The following EIF3A variants were observed in gnomAD, a reference collection of about 807,000 sequenced individuals.
The protein encoded by EIF3A is EIF3, p180 subunit.
A neutral mutation model predicts 186.6 loss-of-function variants in EIF3A; 21 were observed. That is an observed-to-expected ratio of 0.11 (90% CI 0.08 to 0.16). The LOEUF (loss-of-function observed/expected upper bound fraction) is 0.16, where lower values mean the gene tolerates loss of function less well. EIF3A is among the 10% of genes least tolerant of loss of function. EIF3A has a pLI of 1.00. For missense variants in EIF3A, 1,306 were observed against 1,796.3 expected, an observed-to-expected ratio of 0.73 and a Z score of 4.93; for synonymous variants, 563 against 584.3, an observed-to-expected ratio of 0.96 and a Z score of 0.52.
chr10:119,078,836 A>G (rs1264560169), intron 1 of EIF3A, among the ~76,000 whole-genome samples: 3 of 152,190 alleles, frequency 2.0e-5, no homozygotes, highest in Admixed American at 6.5e-5. Flanking sequence ...TATCTTTTCT[A>G]TATGAAGTTC....
At chr10:119,067,761 T>C (rs1227150638) in intron 6 of EIF3A, among the ~76,000 whole-genome samples, 2 of 152,190 alleles carry the variant, frequency 1.3e-5, no homozygotes, top group East Asian at 1.9e-4. Flanking sequence ...AACAAAATAA[T>C]TGGTGGACCA....
intron 1 of EIF3A, among the ~76,000 whole-genome samples, chr10:119,078,364 G>A (rs961556364): frequency 6.6e-6 from 1 of 150,718 alleles, no homozygotes; most frequent in Admixed American, 6.6e-5. Context: ...ATATGCTTAG[G>A]GTGACCTGAA....
chr10:119,066,559 A>G (rs1181891214), intron 6 of EIF3A, among the ~76,000 whole-genome samples: 1 of 148,864 alleles, frequency 6.7e-6, no homozygotes, highest in African/African-American at 2.5e-5. Context: ...GTAAGTGGCA[A>G]TAAGGCAGAA....
chr10:119,038,916 C>G (rs936188239), intron 19 of EIF3A, among the ~76,000 whole-genome samples: 3 of 151,938 alleles, frequency 2.0e-5, no homozygotes, highest in African/African-American at 7.3e-5. Context: ...CAGAATGAGA[C>G]TGTCTCAAAA....
In EIF3A at chr10:119,036,383, GAAATTCTGTT is replaced by G. The variant is rs1036092252; in HGVS notation, c.3920-125_3920-116del. 15 of 668,178 alleles carry G rather than the reference GAAATTCTGTT, an allele frequency of 2.2e-5. No homozygotes were observed. In the Admixed American group the frequency reaches 2.3e-4, roughly 10 times the overall value. The allele number at this position is 668,178 out of a possible 1,614,324, so 41.4% of individuals were successfully genotyped here. On this transcript the variant is annotated intron_variant, in intron 21 of 21. Transcript: ENST00000369144. ...AATACAGAAATCATTGTTAAATACA[GAAATTCTGTT>G]AAATTCTGTATTGTTAAATACAGAA...
At chr10:119,067,636 C>G (rs1692013828) in intron 6 of EIF3A, among the ~76,000 whole-genome samples, 1 of 152,080 alleles carries the variant, frequency 6.6e-6, no homozygotes, top group South Asian at 2.1e-4. Context: ...ACATAGAGAA[C>G]AAAGAAGAGA....
chr10:119,041,041 G>A (rs1848201864), intron 19 of EIF3A, among the ~76,000 whole-genome samples: 1 of 148,266 alleles, frequency 6.7e-6, no homozygotes, highest in Non-Finnish European at 1.5e-5. Context: ...AGCCATGCAT[G>A]GTGGCATGTG....
At chr10:119,037,432 C>G (rs1848148320) in intron 20 of EIF3A, 123 bp from the exon 21 acceptor site, 1 of 776,408 alleles carries the variant, frequency 1.3e-6, no homozygotes, top group African/African-American at 1.7e-5. Flanking sequence ...AAACTCATAA[C>G]CTGACCTTAC....
intron 1 of EIF3A, among the ~76,000 whole-genome samples, chr10:119,076,773 T>A (rs949895480): frequency 1.3e-5 from 2 of 151,774 alleles, no homozygotes; most frequent in Non-Finnish European, 2.9e-5. Context: ...TTGTCTCCAC[T>A]AAAAACACAA....
At chr10:119,073,334 T>G in intron 3 of EIF3A, 107 bp downstream of exon 3, 1 of 895,204 alleles carries the variant, frequency 1.1e-6, no homozygotes, top group Non-Finnish European at 1.7e-6. Flanking sequence ...TTCAAAGATT[T>G]GCATTTTTTT....
chr10:119,049,759 G>T, intron 17 of EIF3A, 42 bp downstream of exon 17: 2 of 1,520,876 alleles, frequency 1.3e-6, no homozygotes, highest in African/African-American at 1.4e-5. Flanking sequence ...AAAAAAAAAA[G>T]TCACATTAAA....
chr10:119,066,812 T>C (rs1843988418), intron 6 of EIF3A, among the ~76,000 whole-genome samples: 1 of 152,130 alleles, frequency 6.6e-6, no homozygotes, highest in Non-Finnish European at 1.5e-5. Flanking sequence ...ACTGCAAAGA[T>C]TAAACCAAAT....
intron 17 of EIF3A, among the ~76,000 whole-genome samples, chr10:119,048,161 C>T (rs2062616): frequency 0.064 from 9,699 of 151,940 alleles, 582 homozygotes; most frequent in African/African-American, 0.16. Context: ...GAGTACCAAC[C>T]AATGAAAGGT....
At chr10:119,069,121 G>A (rs1844031744) in intron 6 of EIF3A, among the ~76,000 whole-genome samples, 1 of 152,160 alleles carries the variant, frequency 6.6e-6, no homozygotes, top group African/African-American at 2.4e-5. Flanking sequence ...TGGGCTTTTA[G>A]CGGAGTTACT....
At chr10:119,072,054 A>T (rs955189687) in intron 4 of EIF3A, among the ~76,000 whole-genome samples, 14 of 131,002 alleles carry the variant, frequency 1.1e-4, no homozygotes, top group East Asian at 4.4e-4. Context: ...AAAGAAAGAA[A>T]AAAAGAAAGA....
At chr10:119,038,131 G>A (rs1005657362) in intron 20 of EIF3A, 107 bp downstream of exon 20, 1 of 944,082 alleles carries the variant, frequency 1.1e-6, no homozygotes, top group Admixed American at 2.0e-5. Flanking sequence ...TGGCCAGGCT[G>A]CTCTCGAACT....
chr10:119,066,440 C>T (rs1589693795), intron 6 of EIF3A, among the ~76,000 whole-genome samples: 1 of 122,166 alleles, frequency 8.2e-6, no homozygotes, highest in South Asian at 2.8e-4. Context: ...ACCCAGGAGG[C>T]GGAGGGTGCA....
intron 1 of EIF3A, among the ~76,000 whole-genome samples, chr10:119,077,286 GA>G (rs1231535252): frequency 1.3e-5 from 2 of 151,832 alleles, no homozygotes; most frequent in Non-Finnish European, 2.9e-5. Context: ...GAAATATGGT[GA>G]AAAAAATTAA....
Position 119,051,267 on chromosome 10 carries a change from A to C in EIF3A, c.2251T>G (p.Ser751Ala). Reference protein sequence around the residue: ...EKALEHKNRMSRMLEDRDLFV... With the variant: ...EKALEHKNRMARMLEDRDLFV... The stretch of plus-strand genomic sequence containing the variant: ...AAATCTCTGTCTTCAAGCATTCGTG[A>C]CATTCGATTCTTATGTTCAAGAGCC... The change falls in exon 15 of 22, where the codon TCA (serine) becomes GCA (alanine). Residue 751 changes from serine (S) to alanine (A), a missense_variant. Coordinates refer to ENST00000369144, the MANE Select transcript of EIF3A (RefSeq NM_003750.4). The C allele has an allele frequency of 1.2e-6, 2 of 1,611,900 alleles. No homozygotes were observed. The highest frequency in any genetic ancestry group is 1.7e-6 in the Non-Finnish European group (2 of 1,179,358).
Sources: allele counts gnomAD v4.1 joint callset (sites outside exome capture counted in the v4.1 genomes callset), GRCh38; gene constraint gnomAD v4.1.1; transcripts MANE v1.5; gene names NCBI Gene and HGNC (gene_info 2026-07-23, HGNC 2026-07-21).